Variants in SGK3 observed in about 807,000 individuals in gnomAD.
SGK3 encodes serum/glucocorticoid regulated kinase family member 3.
A neutral mutation model predicts 68.5 loss-of-function variants in SGK3; 47 were observed. That is an observed-to-expected ratio of 0.69 (90% CI 0.54 to 0.87). The LOEUF (loss-of-function observed/expected upper bound fraction) is 0.87. Ranked by LOEUF, SGK3 falls within the 40% of genes least tolerant of loss-of-function variation. The pLI is 0.00. For synonymous variants in SGK3, 181 were observed against 189.1 expected, an observed-to-expected ratio of 0.96 and a Z score of 0.35; for missense variants, 479 against 575.5, an observed-to-expected ratio of 0.83 and a Z score of 1.72.
chr8:66,824,132 G>T (rs1288529644), intron 6 of SGK3, among the ~76,000 whole-genome samples: 2 of 152,038 alleles, frequency 1.3e-5, no homozygotes, highest in African/African-American at 2.4e-5. Context: ...AAGATTCTCA[G>T]TTAAGAGAAC....
At chr8:66,784,711 A>G (rs1280284179) in intron 1 of SGK3, among the ~76,000 whole-genome samples, 2 of 152,204 alleles carry the variant, frequency 1.3e-5, no homozygotes, top group Non-Finnish European at 2.9e-5. Context: ...TTTTAGGAAA[A>G]GCTTTAATGT....
chr8:66,770,173 C>G (rs1299044881), intron 1 of SGK3, among the ~76,000 whole-genome samples: 2 of 151,556 alleles, frequency 1.3e-5, no homozygotes, highest in Non-Finnish European at 2.9e-5. Flanking sequence ...CCAGGATGGT[C>G]TTGATCTCGT....
In SGK3 at chr8:66,715,262, T is replaced by TTTC. The variant is rs1370956569; in HGVS notation, c.-122+2431_-122+2432insCTT. On this transcript the variant is annotated intron_variant, in intron 1 of 16. Transcript: ENST00000521198. ...ACAGCTTGCTTTCTTTCTTTCTTTC[T>TTTC]TTGTTTTTTTTTTGAGACAGAGTCT... is the stretch of plus-strand genomic sequence containing the variant. Among the ~76,000 whole-genome samples, 139 of 144,454 alleles carry TTTC rather than the reference T, an allele frequency of 9.6e-4. 1 individual carries two copies. Among genetic ancestry groups the TTTC allele is most frequent in the Middle Eastern group, 3.4e-3 (1 of 292 alleles). The allele number at this position is 144,454 out of a possible 152,430, so 94.8% of individuals were successfully genotyped here.
chr8:66,729,016 G>T (rs1049742206), intron 1 of SGK3, among the ~76,000 whole-genome samples: 1 of 151,716 alleles, frequency 6.6e-6, no homozygotes, highest in Non-Finnish European at 1.5e-5. Context: ...TCAGGAGATG[G>T]AGACCATCCT....
intron 1 of SGK3, among the ~76,000 whole-genome samples, chr8:66,723,898 G>A (rs1804898229): frequency 6.6e-6 from 1 of 151,988 alleles, no homozygotes; most frequent in Admixed American, 6.6e-5. Flanking sequence ...CCAATATTTG[G>A]TTTAATTTTT....
intron 16 of SGK3, among the ~76,000 whole-genome samples, chr8:66,857,192 G>GTACA (rs951082547): frequency 6.6e-5 from 10 of 152,190 alleles, no homozygotes; most frequent in South Asian, 2.1e-4. Flanking sequence ...CCATACATAC[G>GTACA]TACATACATA....
At chr8:66,823,691 T>C (rs1808938235) in intron 6 of SGK3, among the ~76,000 whole-genome samples, 1 of 150,988 alleles carries the variant, frequency 6.6e-6, no homozygotes, top group South Asian at 2.1e-4. Flanking sequence ...CTGCTGTGCC[T>C]GACCAGTGTT....
intron 1 of SGK3, among the ~76,000 whole-genome samples, chr8:66,791,145 G>T (rs1178262895): frequency 6.6e-6 from 1 of 152,216 alleles, no homozygotes; most frequent in Non-Finnish European, 1.5e-5. Flanking sequence ...AAGAGGGGCT[G>T]CCTGCTAGGA....
chr8:66,833,462 A>G (rs895604405), intron 8 of SGK3, among the ~76,000 whole-genome samples: 1 of 152,222 alleles, frequency 6.6e-6, no homozygotes, highest in Non-Finnish European at 1.5e-5. Flanking sequence ...TTCTTCTTCA[A>G]GAGACTATTC....
At position 66,767,564 on chromosome 8, in the gene SGK3, T is replaced by C. The variant is rs191941791; in HGVS notation, c.-121-26052T>C. The C allele has an allele frequency of 4.2e-4, 613 of 1,456,634 alleles. 2 individuals carry two copies. In the African/African-American group the frequency reaches 7.1e-3, roughly 17 times the overall value. 90.2% of individuals were successfully genotyped at this position (1,456,634 alleles called of 1,614,324 possible). A position where few individuals can be genotyped will look rare whatever the true frequency, so the allele number is the denominator to read the frequency against. ...TCAAGCTCTCTCTCCTCATCAAGTA[T>C]CATGAGAGGCACTTCACTCAAGGGG... On this transcript the variant is annotated intron_variant, in intron 1 of 16. Coordinates refer to ENST00000521198, the MANE Select transcript of SGK3 (RefSeq NM_001033578.3).
At chr8:66,749,279 C>T (rs909671379) in intron 1 of SGK3, among the ~76,000 whole-genome samples, 3 of 151,936 alleles carry the variant, frequency 2.0e-5, no homozygotes, top group African/African-American at 7.3e-5. Flanking sequence ...TTTGGGAGGC[C>T]GAGGCGGGCG....
At chr8:66,787,468 C>T (rs371781337) in intron 1 of SGK3, among the ~76,000 whole-genome samples, 3 of 152,186 alleles carry the variant, frequency 2.0e-5, no homozygotes, top group East Asian at 3.8e-4. Flanking sequence ...GTCTAATCCC[C>T]CCTGTGGGAT....
chr8:66,841,777 C>T (rs1422143996), intron 13 of SGK3, among the ~76,000 whole-genome samples: 1 of 152,106 alleles, frequency 6.6e-6, no homozygotes, highest in Non-Finnish European at 1.5e-5. Context: ...CAGAACATCC[C>T]ATTTTCTAAT....
At chr8:66,839,302 G>T (rs1332026595) in intron 10 of SGK3, among the ~76,000 whole-genome samples, 1 of 150,930 alleles carries the variant, frequency 6.6e-6, no homozygotes, top group Non-Finnish European at 1.5e-5. Context: ...AAATGAACTA[G>T]AAAGTCCAAC....
Position 66,846,687 on chromosome 8 carries a change from C to G in SGK3, c.1075-506C>G, listed in dbSNP as rs942974629. Among the ~76,000 whole-genome samples the G allele has an allele frequency of 3.3e-5, 5 of 152,306 alleles. No homozygotes were observed. The Middle Eastern group carries it at 0.01, about 311-fold the overall frequency. ...CTTGTGTTGAAGCTATACCCCAAGT[C>G]TTTTGGCTGTTGCGGTGGCATTTTT... On this transcript the variant is annotated intron_variant, in intron 14 of 16. Transcript: ENST00000521198.
At chr8:66,821,501 A>G (rs79085072) in intron 5 of SGK3, among the ~76,000 whole-genome samples, 3,085 of 150,986 alleles carry the variant, frequency 0.02, 108 homozygotes, top group African/African-American at 0.069. Context: ...CATGCCTTTC[A>G]CTGGACCTGC....
At chr8:66,798,515 A>C (rs774963866) in intron 2 of SGK3, 27 bp from the exon 3 acceptor site, 6 of 1,583,356 alleles carry the variant, frequency 3.8e-6, no homozygotes, top group Non-Finnish European at 5.1e-6. Context: ...AAATTGTGTT[A>C]TATTATGTAA....
rs766611960 is a variant in SGK3 at position 66,859,503 on chromosome 8, G to A, written c.1413G>A (p.Val471=). ...SVCVSSDYSI[V]NASVLEADDA... is the part of the protein sequence containing the mutation. Reference sequence around the variant, plus strand: ...GTGTATCTTCTGACTATTCTATAGTGAATGCCAGTGTATTGGAGGCAGATG... The same window carrying A: ...GTGTATCTTCTGACTATTCTATAGTAAATGCCAGTGTATTGGAGGCAGATG... The change falls in exon 17 of 17, where the codon GTG becomes GTA. Residue 471 remains valine (V), a synonymous_variant. Coordinates refer to ENST00000521198, the MANE Select transcript of SGK3 (RefSeq NM_001033578.3). 1.9e-6 allele frequency: 3 copies of A among 1,613,708 alleles called. No homozygotes were observed. The highest frequency in any genetic ancestry group is 1.7e-5 in the Admixed American group (1 of 60,018).
intron 5 of SGK3, among the ~76,000 whole-genome samples, chr8:66,821,544 G>A (rs539724864): frequency 1.3e-5 from 2 of 150,284 alleles, no homozygotes; most frequent in Non-Finnish European, 1.5e-5. Context: ...ACAGAGTCTC[G>A]CTCTGTCACC....
Sources: allele counts gnomAD v4.1 joint callset (sites outside exome capture counted in the v4.1 genomes callset), GRCh38; gene constraint gnomAD v4.1.1; transcripts MANE v1.5; gene names NCBI Gene and HGNC (gene_info 2026-07-23, HGNC 2026-07-21).